Variants in RCBTB2 observed in about 807,000 individuals in gnomAD.
RCBTB2 encodes the protein RCC1 and BTB domain-containing protein 2.
Under a neutral mutation model 65.4 loss-of-function variants are expected in RCBTB2, and 55 were observed. That is an observed-to-expected ratio of 0.84 (90% CI 0.68 to 1.05). RCBTB2 has a LOEUF of 1.05. Among genes scored for constraint, RCBTB2 ranks in the 50% least tolerant of loss-of-function variants. RCBTB2 has a pLI of 0.00. For missense variants in RCBTB2, 599 were observed against 680.1 expected (o/e 0.88, Z 1.33); for synonymous variants, 220 against 255.2 (o/e 0.86, Z 1.31).
At chr13:48,518,472 A>AAATATATATAT (rs1491137365) in intron 4 of RCBTB2, among the ~76,000 whole-genome samples, 65 of 116,576 alleles carry the variant, frequency 5.6e-4, no homozygotes, top group African/African-American at 2.2e-3. Flanking sequence ...AAAAAAAAAA[A>AAATATATATAT]ATATATATAT....
intron 10 of RCBTB2, 34 bp from the exon 11 acceptor site, chr13:48,502,948 T>C: frequency 6.7e-7 from 1 of 1,499,270 alleles, no homozygotes; most frequent in Non-Finnish European, 8.9e-7. Context: ...ATAAGCACAG[T>C]GACCGGGGCA....
Position 48,515,642 on chromosome 13 carries a change from C to G in RCBTB2, c.142G>C (p.Ala48Pro), listed in dbSNP as rs373503489. ...SEEELQLIRQ[A>P]CVFGSAGNEV... ...TTGCCAGCACTGCCAAAGACACAAG[C>G]CTGACGAATTAACTGTAGTTCTTCT... Residue 48 changes from alanine to proline, a missense_variant, in exon 5 of 15, where the codon GCT becomes CCT. Transcript: ENST00000344532. 377 of 1,613,852 alleles carry G rather than the reference C, an allele frequency of 2.3e-4. No homozygotes were observed. The highest frequency in any genetic ancestry group is 3.1e-4 in the Non-Finnish European group (365 of 1,179,950).
rs758094119 is a variant in RCBTB2 at position 48,511,784 on chromosome 13, T to A, written c.769A>T (p.Ile257Phe). 2 of 1,614,076 alleles carry A rather than the reference T, an allele frequency of 1.2e-6. No individual in the cohort carries two copies. Among genetic ancestry groups the A allele is most frequent in the Non-Finnish European group, 1.7e-6 (2 of 1,179,968 alleles). Residue 257 changes from isoleucine to phenylalanine, a missense_variant, in exon 9 of 15, where the codon ATC (isoleucine) becomes TTC (phenylalanine). By Grantham distance (21) the Ile-to-Phe change is conservative (BLOSUM62 0). Coordinates refer to ENST00000344532, the MANE Select transcript of RCBTB2 (RefSeq NM_001268.4). The part of the protein sequence containing the change: ...TPCRVAALQG[I>F]RVQRVACGYA... ...AGTGGACGTACCCTCTGGACACGGA[T>A]GCCTTGCAAAGCTGCCACTCTGCAA...
At chr13:48,528,551 G>T (rs1566340330) in intron 1 of RCBTB2, among the ~76,000 whole-genome samples, 2 of 152,120 alleles carry the variant, frequency 1.3e-5, no homozygotes, top group Admixed American at 1.3e-4. Context: ...TACAGCATCG[G>T]TGTGTTAATG....
At chr13:48,530,949 T>C (rs1952083246) in intron 1 of RCBTB2, among the ~76,000 whole-genome samples, 1 of 152,198 alleles carries the variant, frequency 6.6e-6, no homozygotes, top group Non-Finnish European at 1.5e-5. Context: ...GAACATTTAT[T>C]TCTAAAACCC....
chr13:48,535,346 C>G (rs1295660715), upstream of RCBTB2, among the ~76,000 whole-genome samples: 12 of 151,670 alleles, frequency 7.9e-5, no homozygotes, highest in African/African-American at 2.9e-4. Flanking sequence ...ACCTCCACCT[C>G]CCGGGTTCAG....
chr13:48,521,240 G>C (rs1485515074), intron 4 of RCBTB2, among the ~76,000 whole-genome samples: 1 of 152,122 alleles, frequency 6.6e-6, no homozygotes, highest in African/African-American at 2.4e-5. Context: ...AGTTTCAAAA[G>C]CTTTGCCATC....
Position 48,506,247 on chromosome 13 carries a change from G to A in RCBTB2, c.927-3333C>T, listed in dbSNP as rs961574711. ...AGGGACGGAGGCCAACGCCGGGATC[G>A]GAGGGCAATGAGGCTTGCCAGGAAC... On this transcript the variant is annotated intron_variant, in intron 10 of 14. Coordinates refer to ENST00000344532, the MANE Select transcript of RCBTB2 (RefSeq NM_001268.4). Among the ~76,000 whole-genome samples the A allele has an allele frequency of 5.3e-5, 8 of 152,358 alleles. No homozygotes were observed. The South Asian group carries it at 1.0e-3, about 20-fold the overall frequency.
chr13:48,534,574 T>C (rs1167859747), upstream of RCBTB2, among the ~76,000 whole-genome samples: 1 of 152,232 alleles, frequency 6.6e-6, no homozygotes, highest in African/African-American at 2.4e-5. Context: ...GACAATTAGC[T>C]AACAATAAAA....
At chr13:48,523,895 A>G (rs181271164) in intron 2 of RCBTB2, among the ~76,000 whole-genome samples, 114 of 152,344 alleles carry the variant, frequency 7.5e-4, no homozygotes, top group Non-Finnish European at 1.5e-3. Context: ...TTTATCTGAC[A>G]TCAGGTTAAG....
chr13:48,511,177 T>A (rs1950772887), intron 9 of RCBTB2, among the ~76,000 whole-genome samples: 1 of 152,218 alleles, frequency 6.6e-6, no homozygotes, highest in Non-Finnish European at 1.5e-5. Flanking sequence ...TATTTCTATA[T>A]AGACATAGAG....
At chr13:48,518,694 C>A (rs1951243397) in intron 4 of RCBTB2, among the ~76,000 whole-genome samples, 2 of 151,502 alleles carry the variant, frequency 1.3e-5, no homozygotes, top group Admixed American at 6.6e-5. Context: ...ATTGAGGAAT[C>A]CAAGAATCTT....
Position 48,499,694 on chromosome 13 carries a change from T to C in RCBTB2, c.1311A>G (p.Ser437=). 2 of 1,614,164 alleles carry C rather than the reference T, an allele frequency of 1.2e-6. No individual in the cohort carries two copies. The highest frequency in any genetic ancestry group is 1.7e-5 in the Admixed American group (1 of 60,022). ...EDDIVEMSEF[S]YPVYRAFLEY... is the part of the protein sequence containing the mutation. ...CCAGGAAGGCCCGGTAAACAGGATA[T>C]GAAAATTCACTCATTTCTACAATAT... Residue 437 remains serine, a synonymous_variant, in exon 13 of 15, where the codon TCA becomes TCG. Transcript: ENST00000344532.
At chr13:48,505,403 C>A (rs1201587268) in intron 10 of RCBTB2, among the ~76,000 whole-genome samples, 1 of 152,182 alleles carries the variant, frequency 6.6e-6, no homozygotes, top group South Asian at 2.1e-4. Context: ...TAGAAGAGTC[C>A]TTTCCTGATA....
chr13:48,512,474 T>A (rs1950856173), intron 7 of RCBTB2, among the ~76,000 whole-genome samples: 1 of 152,212 alleles, frequency 6.6e-6, no homozygotes, highest in South Asian at 2.1e-4. Context: ...ATTTTTCTTA[T>A]TGCAAATAAC....
intron 1 of RCBTB2, among the ~76,000 whole-genome samples, chr13:48,527,234 G>A (rs1432345185): frequency 7.0e-6 from 1 of 143,114 alleles, no homozygotes; most frequent in African/African-American, 2.6e-5. Context: ...ACTATAGGAT[G>A]ACAGTAATAT....
chr13:48,527,361 T>TGATATATA, intron 1 of RCBTB2, among the ~76,000 whole-genome samples: 1 of 112,430 alleles, frequency 8.9e-6, no homozygotes, highest in African/African-American at 5.5e-5. Flanking sequence ...TGATATATAT[T>TGATATATA]TATATATGAT....
In RCBTB2 at chr13:48,515,273, G is replaced by T. The variant is rs758564078; in HGVS notation, c.281C>A (p.Ser94Tyr). 2 of 1,614,100 alleles carry T rather than the reference G, an allele frequency of 1.2e-6. No homozygotes were observed. Among genetic ancestry groups the T allele is most frequent in the Non-Finnish European group, 1.7e-6 (2 of 1,179,980 alleles). Residue 94 changes from serine to tyrosine, a missense_variant, in exon 6 of 15, where the codon TCT (serine) becomes TAT (tyrosine). By Grantham distance (144) the Ser-to-Tyr change is moderately radical. Transcript: ENST00000344532. The stretch of plus-strand genomic sequence containing the variant: ...GCAGGCTATTTTTTTGCCATTTAAA[G>T]AATCCAGTCTCCGAGGTTCAATGGT... Reference protein sequence around the residue: ...QSTIEPRRLDSLNGKKIACLS... With the variant: ...QSTIEPRRLDYLNGKKIACLS...
rs560951535 is a variant in RCBTB2 at position 48,515,830 on chromosome 13, G to A, written c.43-89C>T. 2.2e-5 allele frequency: 28 copies of A among 1,295,540 alleles called. No homozygotes were observed. In the East Asian group the frequency reaches 6.5e-4, roughly 30 times the overall value. 80.3% of individuals were successfully genotyped at this position (1,295,540 alleles called of 1,614,324 possible). On this transcript the variant is annotated intron_variant, in intron 4 of 14. Coordinates refer to ENST00000344532, the MANE Select transcript of RCBTB2 (RefSeq NM_001268.4). ...GTTCTGTAGAAGAGGGCGAACACTG[G>A]TTTTGGGAGGAACACACTGCATCCA...
Sources: allele counts gnomAD v4.1 joint callset (sites outside exome capture counted in the v4.1 genomes callset), GRCh38; gene constraint gnomAD v4.1.1; transcripts MANE v1.5; gene names NCBI Gene and HGNC (gene_info 2026-07-23, HGNC 2026-07-21).